Variants in PLCH1 observed in about 807,000 individuals in gnomAD.
PLCH1 encodes phospholipase C eta 1.
A neutral mutation model predicts 126.7 loss-of-function variants in PLCH1; 60 were observed. That is an observed-to-expected ratio of 0.47 (90% CI 0.38 to 0.59). PLCH1 has a LOEUF of 0.59. Among genes scored for constraint, PLCH1 ranks in the 20% least tolerant of loss-of-function variants. PLCH1 has a pLI of 0.00. For synonymous variants in PLCH1, 719 were observed against 734.9 expected (o/e 0.98, Z 0.35); for missense variants, 1,723 against 2,040.0 (o/e 0.84, Z 2.99).
intron 2 of PLCH1, among the ~76,000 whole-genome samples, chr3:155,597,513 G>C (rs1323771264): frequency 6.6e-6 from 1 of 152,002 alleles, no homozygotes; most frequent in Non-Finnish European, 1.5e-5. Flanking sequence ...TAAACCATTA[G>C]AGCACTCAAA....
downstream of PLCH1, among the ~76,000 whole-genome samples, chr3:155,476,635 T>C (rs953534361): frequency 6.6e-6 from 1 of 152,130 alleles, no homozygotes; most frequent in Non-Finnish European, 1.5e-5. Context: ...ATCAGTAGCA[T>C]TTCAATATGT....
intron 3 of PLCH1, among the ~76,000 whole-genome samples, chr3:155,595,877 AAT>A (rs1208025160): frequency 1.3e-5 from 2 of 152,148 alleles, no homozygotes; most frequent in Non-Finnish European, 2.9e-5. Flanking sequence ...TAGTGTTCAG[AAT>A]ATGACAATAC....
rs75019697 is a variant in PLCH1, at chr3:155,502,740, T to C, written c.1704+1815A>G. Among the ~76,000 whole-genome samples the C allele has an allele frequency of 2.8e-4, 42 of 152,350 alleles. No homozygotes were observed. The East Asian group carries it at 8.1e-3, about 29-fold the overall frequency. On this transcript the variant is annotated intron_variant, in intron 13 of 22. Coordinates refer to ENST00000460012, the MANE Select transcript of PLCH1 (RefSeq NM_014996.4). ...CTCATCTTACTTTTTCATTTAATGTTTCACAGGTCGAGCTCTTCCGAGGGA... is the reference window on the plus strand; with the variant it reads ...CTCATCTTACTTTTTCATTTAATGTCTCACAGGTCGAGCTCTTCCGAGGGA...
chr3:155,488,323 G>A lies in PLCH1; in HGVS notation c.2540-216C>T, dbSNP rs182376950. Reference sequence around the variant, plus strand: ...AGCAATTCTCCTGCCTCGGCTTCCCGAATAGCTGGGATTACAGGCATGCAC... The same window carrying A: ...AGCAATTCTCCTGCCTCGGCTTCCCAAATAGCTGGGATTACAGGCATGCAC... On this transcript the variant is annotated intron_variant, in intron 20 of 22. Transcript: ENST00000460012. 2.7e-3 allele frequency among the ~76,000 whole-genome samples: 406 copies of A among 151,934 alleles called. 4 individuals carry two copies. Among genetic ancestry groups the A allele is most frequent in the Non-Finnish European group, 6.9e-4 (47 of 67,956 alleles).
chr3:155,502,668 C>T (rs1718073968), intron 13 of PLCH1, among the ~76,000 whole-genome samples: 1 of 152,188 alleles, frequency 6.6e-6, no homozygotes, highest in African/African-American at 2.4e-5. Flanking sequence ...TCTGGACATA[C>T]AGTTTTGACA....
intron 21 of PLCH1, among the ~76,000 whole-genome samples, chr3:155,458,601 T>C (rs1712590888): frequency 6.7e-6 from 1 of 149,948 alleles, no homozygotes; most frequent in East Asian, 2.0e-4. Context: ...AAAGAAACCA[T>C]GTTTAGAAAG....
intron 10 of PLCH1, among the ~76,000 whole-genome samples, chr3:155,528,650 T>C (rs1438771642): frequency 6.6e-6 from 1 of 152,074 alleles, no homozygotes; most frequent in African/African-American, 2.4e-5. Flanking sequence ...AGAATAGAAA[T>C]AAATATGAAA....
chr3:155,667,167 CA>C (rs1286914477), intron 2 of PLCH1, among the ~76,000 whole-genome samples: 1 of 152,030 alleles, frequency 6.6e-6, no homozygotes, highest in Non-Finnish European at 1.5e-5. Context: ...AGGGATTAGC[CA>C]AAAGCTCAGC....
intron 10 of PLCH1, among the ~76,000 whole-genome samples, chr3:155,532,537 T>C (rs1409204049): frequency 2.6e-5 from 4 of 152,166 alleles, no homozygotes; most frequent in Non-Finnish European, 4.4e-5. Context: ...GTGATTGGAC[T>C]ATGGGGGCAG....
intron 1 of PLCH1, among the ~76,000 whole-genome samples, chr3:155,709,791 G>T (rs567812825): frequency 1.3e-5 from 2 of 152,076 alleles, no homozygotes; most frequent in South Asian, 4.1e-4. Context: ...CTAATTTTTT[G>T]ACTTTTTGCA....
chr3:155,612,357 T>G (rs1460956909), intron 2 of PLCH1, among the ~76,000 whole-genome samples: 1 of 146,488 alleles, frequency 6.8e-6, no homozygotes, highest in Admixed American at 6.8e-5. Context: ...AAGAGGAAAC[T>G]TCATAGCATT....
At chr3:155,572,824 C>T (rs2108548412) in intron 6 of PLCH1, among the ~76,000 whole-genome samples, 1 of 152,260 alleles carries the variant, frequency 6.6e-6, no homozygotes, top group South Asian at 2.1e-4. Flanking sequence ...ATCCTGGAAT[C>T]AAGTGATCCT....
intron 2 of PLCH1, among the ~76,000 whole-genome samples, chr3:155,612,401 A>AAAAGAC (rs1211486226): frequency 6.6e-6 from 1 of 151,956 alleles, no homozygotes; most frequent in Non-Finnish European, 1.5e-5. Flanking sequence ...AAAGAGGACA[A>AAAAGAC]AAAGACAATC....
At chr3:155,581,523 C>T (rs1457469190) in intron 6 of PLCH1, among the ~76,000 whole-genome samples, 7 of 152,194 alleles carry the variant, frequency 4.6e-5, no homozygotes, top group South Asian at 2.1e-4. Flanking sequence ...GAAAACATTA[C>T]GCCAAATGAA....
intron 10 of PLCH1, among the ~76,000 whole-genome samples, chr3:155,543,198 C>G (rs938384561): frequency 6.6e-6 from 1 of 152,084 alleles, no homozygotes; most frequent in East Asian, 1.9e-4. Context: ...CTTAAAGGAG[C>G]CGATGGAGCT....
intron 8 of PLCH1, among the ~76,000 whole-genome samples, chr3:155,560,124 G>T (rs1727372734): frequency 6.6e-6 from 1 of 152,182 alleles, no homozygotes; most frequent in Non-Finnish European, 1.5e-5. Flanking sequence ...GAGCAGAAGA[G>T]ACAGAATTAA....
chr3:155,491,820 G>A (rs576316840), intron 18 of PLCH1, among the ~76,000 whole-genome samples: 40 of 152,158 alleles, frequency 2.6e-4, no homozygotes, highest in African/African-American at 9.4e-4. Context: ...CCTTGATCTG[G>A]GTGGCATAAT....
chr3:155,535,318 C>T (rs773821554), intron 10 of PLCH1, among the ~76,000 whole-genome samples: 3 of 152,164 alleles, frequency 2.0e-5, no homozygotes, highest in Non-Finnish European at 4.4e-5. Context: ...GATAGGAGCA[C>T]AGAGGCCATG....
rs566775504 is a variant in PLCH1 at position 155,712,826 on chromosome 3, C to T, written c.-40-8562G>A. ...AGTAGAGGAATTTGTCTATTACACCCTGACTGCCGTCTCCACCTCTTTCTC... is the reference window on the plus strand; with the variant it reads ...AGTAGAGGAATTTGTCTATTACACCTTGACTGCCGTCTCCACCTCTTTCTC... On this transcript the variant is annotated intron_variant, in intron 1 of 22. Coordinates refer to ENST00000460012, the MANE Select transcript of PLCH1 (RefSeq NM_014996.4). 9.2e-5 allele frequency among the ~76,000 whole-genome samples: 14 copies of T among 151,818 alleles called. No individual in the cohort carries two copies. In the South Asian group the frequency reaches 2.1e-3, roughly 23 times the overall value.
Sources: gnomAD v4.1 joint callset for allele counts (sites outside exome capture counted in the v4.1 genomes callset) on GRCh38, gnomAD v4.1.1 for gene constraint, MANE v1.5 for transcripts, NCBI Gene and HGNC (gene_info 2026-07-23, HGNC 2026-07-21) for gene names.